Variants in LNX1 observed in about 807,000 individuals in gnomAD.
The protein encoded by LNX1 is ligand of numb-protein X 1.
LNX1 carries 54 observed loss-of-function variants against 68.4 expected under a neutral mutation model. That is an observed-to-expected ratio of 0.79 (90% CI 0.63 to 0.99). The LOEUF (loss-of-function observed/expected upper bound fraction) is 0.99. LNX1 is among the 50% of genes least tolerant of loss of function. The pLI, the probability that LNX1 is intolerant of heterozygous loss-of-function variation, is 0.00. For synonymous variants in LNX1, 336 were observed against 350.0 expected (o/e 0.96, Z 0.45); for missense variants, 906 against 926.4 (o/e 0.98, Z 0.29).
At chr4:53,481,968 A>G in intron 6 of LNX1, 114 bp from the exon 7 acceptor site, 1 of 1,304,198 alleles carries the variant, frequency 7.7e-7, no homozygotes. Flanking sequence ...GCAAAACATG[A>G]TTTCTAGTTT....
intron 2 of LNX1, among the ~76,000 whole-genome samples, chr4:53,608,122 C>A (rs1470126739): frequency 6.6e-6 from 1 of 151,700 alleles, no homozygotes; most frequent in South Asian, 2.1e-4. Flanking sequence ...CACATGGGAC[C>A]TAGTTAAACT....
intron 1 of LNX1, among the ~76,000 whole-genome samples, chr4:53,642,771 G>A (rs1005567034): frequency 2.0e-5 from 3 of 152,142 alleles, no homozygotes; most frequent in Non-Finnish European, 4.4e-5. Context: ...GGATGTCTCT[G>A]CTTACTTTGA....
chr4:53,471,789 A>G (rs1723205959), intron 9 of LNX1, among the ~76,000 whole-genome samples: 1 of 152,246 alleles, frequency 6.6e-6, no homozygotes, highest in Non-Finnish European at 1.5e-5. Context: ...ACAATGAGAT[A>G]CCATCTCACA....
At chr4:53,514,702 A>G (rs1027739325) in intron 2 of LNX1, among the ~76,000 whole-genome samples, 4 of 152,154 alleles carry the variant, frequency 2.6e-5, no homozygotes, top group African/African-American at 9.7e-5. Flanking sequence ...TAAATTGGCT[A>G]TCTACACTAA....
chr4:53,486,324 C>T (rs1724288384), intron 6 of LNX1, among the ~76,000 whole-genome samples: 1 of 152,298 alleles, frequency 6.6e-6, no homozygotes, highest in African/African-American at 2.4e-5. Context: ...TGAGCTCAAA[C>T]GACTCTCCCG....
intron 2 of LNX1, among the ~76,000 whole-genome samples, chr4:53,553,659 A>G (rs1036379): frequency 0.94 from 142,840 of 152,210 alleles, 67,658 homozygotes; most frequent in East Asian, 1. Flanking sequence ...AGGTCTGCGG[A>G]TGAGGGCATG....
intron 2 of LNX1, among the ~76,000 whole-genome samples, chr4:53,597,621 T>C (rs971232060): frequency 5.3e-5 from 8 of 152,194 alleles, no homozygotes; most frequent in African/African-American, 1.4e-4. Flanking sequence ...AGAGCTTTCG[T>C]CTGTGGCTCC....
intron 1 of LNX1, among the ~76,000 whole-genome samples, chr4:53,584,299 G>T (rs1732027213): frequency 6.6e-6 from 1 of 152,088 alleles, no homozygotes; most frequent in South Asian, 2.1e-4. Flanking sequence ...CCTGGGATTG[G>T]CCTTAAACTC....
rs111915634 is a variant in LNX1, at chr4:53,591,470, T to C, written c.-169A>G. The C allele has an allele frequency of 0.031, 30,776 of 985,626 alleles. 537 individuals carry two copies. Among genetic ancestry groups the C allele is most frequent in the Non-Finnish European group, 0.034 (28,487 of 830,168 alleles). 61.1% of individuals were successfully genotyped at this position (985,626 alleles called of 1,614,324 possible). On this transcript the variant is annotated 5_prime_UTR_variant, in exon 1 of 11. Transcript: ENST00000263925. ...CTTGTGGGTGAACCGAGCAGCTCCT[T>C]GGGCCGCCGGAGTTGTGACCAGCCT...
chr4:53,553,079 T>C (rs1393721678), intron 2 of LNX1, among the ~76,000 whole-genome samples: 1 of 152,172 alleles, frequency 6.6e-6, no homozygotes, highest in Non-Finnish European at 1.5e-5. Flanking sequence ...TCATTCAATT[T>C]GGTTTAACTT....
At chr4:53,576,087 C>A in intron 1 of LNX1, 11 of 1,552,344 alleles carry the variant, frequency 7.1e-6, no homozygotes, top group Admixed American at 1.9e-5. Context: ...TGGTCGGGGA[C>A]TTGGCCAGCG....
intron 2 of LNX1, among the ~76,000 whole-genome samples, chr4:53,513,663 A>G (rs577376909): frequency 1.3e-5 from 2 of 152,306 alleles, no homozygotes; most frequent in South Asian, 4.2e-4. Context: ...ACAATCCAAC[A>G]TGAAATATTC....
At chr4:53,598,107 C>A (rs1732836578) in intron 2 of LNX1, among the ~76,000 whole-genome samples, 1 of 152,202 alleles carries the variant, frequency 6.6e-6, no homozygotes, top group African/African-American at 2.4e-5. Flanking sequence ...AGTATTATTC[C>A]TCCATCTGCA....
At chr4:53,605,790 A>G (rs929649366) in intron 2 of LNX1, among the ~76,000 whole-genome samples, 7 of 152,222 alleles carry the variant, frequency 4.6e-5, no homozygotes, top group African/African-American at 1.2e-4. Flanking sequence ...TCCATTGTAC[A>G]TATGAACTAT....
chr4:53,502,145 G>A (rs1725549396), intron 4 of LNX1, among the ~76,000 whole-genome samples: 2 of 152,032 alleles, frequency 1.3e-5, no homozygotes, highest in South Asian at 4.1e-4. Flanking sequence ...TTAACTGAGA[G>A]TTTACTATAT....
chr4:53,540,291 G>C (rs1372745777), intron 2 of LNX1, among the ~76,000 whole-genome samples: 9 of 152,094 alleles, frequency 5.9e-5, no homozygotes, highest in Admixed American at 5.9e-4. Context: ...GCTTAGGAGA[G>C]AGGATGGCTT....
chr4:53,535,723 A>G (rs1403559465), intron 2 of LNX1, among the ~76,000 whole-genome samples: 1 of 152,218 alleles, frequency 6.6e-6, no homozygotes, highest in Non-Finnish European at 1.5e-5. Context: ...TACATATGCC[A>G]TGTACTTCCT....
At chr4:53,516,891 T>C (rs1199213706) in intron 2 of LNX1, among the ~76,000 whole-genome samples, 1 of 152,030 alleles carries the variant, frequency 6.6e-6, no homozygotes, top group Non-Finnish European at 1.5e-5. Flanking sequence ...GGAATGAAGT[T>C]GACAACAGAG....
intron 1 of LNX1, chr4:53,652,038 AGAGAGAGAGAGAGAGAG>A (rs1735123137): frequency 6.6e-6 from 1 of 151,876 alleles, no homozygotes; most frequent in African/African-American, 2.4e-5. Context: ...AGAGAGAGAG[AGAGAGAGAGAGAGAGAG>A]AGAGAGACAG....
Sources: allele counts gnomAD v4.1 joint callset (sites outside exome capture counted in the v4.1 genomes callset), GRCh38; gene constraint gnomAD v4.1.1; transcripts MANE v1.5; gene names NCBI Gene and HGNC (gene_info 2026-07-23, HGNC 2026-07-21).